Variants in GAREM1 observed in about 807,000 individuals in gnomAD.
GAREM1 encodes the protein GRB2 associated regulator of MAPK1 subtype 1.
GAREM1 carries 26 observed loss-of-function variants against 71.3 expected under a neutral mutation model. That is an observed-to-expected ratio of 0.36 (90% CI 0.27 to 0.51). GAREM1 has a LOEUF of 0.51. GAREM1 is among the 20% of genes least tolerant of loss of function. The probability of loss-of-function intolerance (pLI) is 0.95; values close to 1 mark genes in which losing one functional copy is unlikely to be tolerated. For missense variants in GAREM1, 1,026 were observed against 1,103.1 expected (o/e 0.93, Z 0.99); for synonymous variants, 440 against 433.2 (o/e 1.02, Z -0.20).
intron 2 of GAREM1, among the ~76,000 whole-genome samples, chr18:32,377,362 C>A (rs921118613): frequency 9.9e-5 from 15 of 152,146 alleles, no homozygotes; most frequent in African/African-American, 3.6e-4. Context: ...TGGTTCCTAC[C>A]ACCTGGACAT....
chr18:32,431,793 A>G (rs2048627707), intron 1 of GAREM1, among the ~76,000 whole-genome samples: 1 of 152,180 alleles, frequency 6.6e-6, no homozygotes, highest in Non-Finnish European at 1.5e-5. Flanking sequence ...GAGACAAAGG[A>G]AAAAATCCTG....
chr18:32,384,114 A>AC (rs1323220354), intron 2 of GAREM1, among the ~76,000 whole-genome samples: 1 of 152,088 alleles, frequency 6.6e-6, no homozygotes, highest in East Asian at 1.9e-4. Flanking sequence ...TCCAAACTTT[A>AC]CCCCCCTTTA....
At chr18:32,411,852 T>C (rs1009643404) in intron 1 of GAREM1, among the ~76,000 whole-genome samples, 22 of 150,874 alleles carry the variant, frequency 1.5e-4, no homozygotes, top group African/African-American at 5.1e-4. Flanking sequence ...GGCTTCAGAG[T>C]AGACTAACTT....
intron 2 of GAREM1, among the ~76,000 whole-genome samples, chr18:32,359,165 A>C (rs2047836113): frequency 6.6e-6 from 1 of 152,212 alleles, no homozygotes; most frequent in African/African-American, 2.4e-5. Context: ...TGGTTTTAAT[A>C]ATCAGATGGT....
chr18:32,351,886 A>T (rs2047756931), intron 2 of GAREM1, among the ~76,000 whole-genome samples: 1 of 152,184 alleles, frequency 6.6e-6, no homozygotes, highest in Non-Finnish European at 1.5e-5. Context: ...GCCTGTGTAA[A>T]GTAATTTTTT....
At chr18:32,299,705 T>C (rs1243716414) in intron 3 of GAREM1, among the ~76,000 whole-genome samples, 5 of 152,226 alleles carry the variant, frequency 3.3e-5, no homozygotes, top group Non-Finnish European at 5.9e-5. Flanking sequence ...GGAGCTTATG[T>C]TGAAAGCCTG....
intron 2 of GAREM1, among the ~76,000 whole-genome samples, chr18:32,345,916 T>G (rs1003942125): frequency 3.3e-5 from 5 of 152,242 alleles, no homozygotes; most frequent in African/African-American, 1.2e-4. Flanking sequence ...CACTTTGGGC[T>G]GGTTTTAACT....
intron 1 of GAREM1, among the ~76,000 whole-genome samples, chr18:32,407,317 T>C (rs1335885311): frequency 6.6e-6 from 1 of 152,170 alleles, no homozygotes; most frequent in Non-Finnish European, 1.5e-5. Context: ...TCCCTGTGTA[T>C]GAAAAGGATC....
At chr18:32,458,497 G>T (rs77891788) in intron 1 of GAREM1, among the ~76,000 whole-genome samples, 1 of 151,872 alleles carries the variant, frequency 6.6e-6, no homozygotes, top group South Asian at 2.1e-4. Context: ...AAAACCAGAG[G>T]TAATGTCTAT....
chr18:32,357,735 A>G lies in GAREM1; in HGVS notation c.262+35160T>C, dbSNP rs73956900. ...TGTTTTATCCAAAATGCAAAACAGG[A>G]AAAGAAAAAATTTTATCTAAGACAA... On this transcript the variant is annotated intron_variant, in intron 2 of 5. Transcript: ENST00000269209. Among the ~76,000 whole-genome samples, 664 of 152,350 alleles carry G rather than the reference A, an allele frequency of 4.4e-3. 4 individuals carry two copies. Among genetic ancestry groups the G allele is most frequent in the African/African-American group, 0.015 (618 of 41,574 alleles).
chr18:32,314,104 T>A (rs1317520213), intron 2 of GAREM1, among the ~76,000 whole-genome samples: 4 of 151,834 alleles, frequency 2.6e-5, no homozygotes, highest in South Asian at 2.1e-4. Flanking sequence ...TTTTTTTTTT[T>A]AAATAAGGCA....
intron 4 of GAREM1, among the ~76,000 whole-genome samples, chr18:32,274,499 T>C (rs1400742582): frequency 1.3e-5 from 2 of 152,188 alleles, no homozygotes; most frequent in Non-Finnish European, 2.9e-5. Flanking sequence ...GCTCTCATCA[T>C]GTTACTCGCT....
intron 2 of GAREM1, among the ~76,000 whole-genome samples, chr18:32,341,171 C>T (rs1284268355): frequency 9.9e-5 from 15 of 152,106 alleles, no homozygotes; most frequent in African/African-American, 3.1e-4. Flanking sequence ...ATGTTCCCCA[C>T]CCTGTGTCCA....
chr18:32,470,322 G>A lies in GAREM1; in HGVS notation c.107C>T (p.Ala36Val). The A allele has an allele frequency of 6.4e-7, 1 of 1,557,148 alleles. No individual in the cohort carries two copies. Among genetic ancestry groups the A allele is most frequent in the South Asian group, 1.2e-5 (1 of 84,368 alleles). The stretch of plus-strand genomic sequence containing the variant: ...CTGGGACTCACCGTTGTCCAGGCGC[G>A]CGATCTGGGGCAGCCGGTAAGTGCT... The part of the protein sequence containing the change: ...LVSTYRLPQI[A>V]RLDNGECVEG... The change falls in exon 1 of 6, where the codon GCG becomes GTG. Residue 36 changes from alanine (A) to valine (V), a missense_variant. Coordinates refer to ENST00000269209, the MANE Select transcript of GAREM1 (RefSeq NM_001242409.2). This position sits in a 1 kb window ranked among gnomAD's most constrained non-coding sequence, Gnocchi z 4.4.
At chr18:32,297,808 T>G (rs953939804) in intron 3 of GAREM1, among the ~76,000 whole-genome samples, 1 of 152,200 alleles carries the variant, frequency 6.6e-6, no homozygotes, top group Non-Finnish European at 1.5e-5. Flanking sequence ...GTGAAAAACT[T>G]GGCGAGTCAC....
rs368488237 is a variant in GAREM1 at position 32,360,091 on chromosome 18, C to G, written c.262+32804G>C. Among the ~76,000 whole-genome samples the G allele has an allele frequency of 2.8e-4, 42 of 151,692 alleles. No homozygotes were observed. In the East Asian group the frequency reaches 7.3e-3, roughly 26 times the overall value. ...TTCTCTAATTTGTTTTCTTCCTTTC[C>G]TATCTTACCTTTTCTCCTTTTGAAA... On this transcript the variant is annotated intron_variant, in intron 2 of 5. Coordinates refer to ENST00000269209, the MANE Select transcript of GAREM1 (RefSeq NM_001242409.2).
At chr18:32,361,584 GTGTT>G (rs1318752789) in intron 2 of GAREM1, among the ~76,000 whole-genome samples, 1 of 152,098 alleles carries the variant, frequency 6.6e-6, no homozygotes, top group Non-Finnish European at 1.5e-5. Context: ...TCAAACAAAA[GTGTT>G]TGGAAATTTG....
Position 32,264,279 on chromosome 18 carries a change from A to G in GAREM1, c.*3592T>C, listed in dbSNP as rs2041343746. On this transcript the variant is annotated 3_prime_UTR_variant, in exon 6 of 6. Transcript: ENST00000269209. ...CAACAACAGATTTAACTTTTCTGGT[A>G]GACTGAAATTAAAATTTCCTTTGAA... 6.6e-6 allele frequency: 1 copy of G among 152,254 alleles called. No homozygotes were observed. The highest frequency in any genetic ancestry group is 1.9e-4 in the East Asian group (1 of 5,200). 9.4% of individuals were successfully genotyped at this position (152,254 alleles called of 1,614,324 possible).
intron 2 of GAREM1, among the ~76,000 whole-genome samples, chr18:32,358,307 G>A (rs1453509747): frequency 6.6e-6 from 1 of 152,024 alleles, no homozygotes; most frequent in Non-Finnish European, 1.5e-5. Context: ...GAAGGGAACT[G>A]CCTGCAGGGG....
Sources: allele counts gnomAD v4.1 joint callset (sites outside exome capture counted in the v4.1 genomes callset), GRCh38; gene constraint gnomAD v4.1.1; non-coding constraint Gnocchi (gnomAD v3.1); transcripts MANE v1.5; gene names NCBI Gene and HGNC (gene_info 2026-07-23, HGNC 2026-07-21).